Variants in ATP8A1 observed in about 807,000 individuals in gnomAD.
ATP8A1 encodes ATPase phospholipid transporting 8A1.
In ATP8A1, 90 loss-of-function variants were observed where a neutral mutation model predicts 177.7. The ratio of observed to expected loss-of-function variants is 0.51; its 90% CI spans 0.43 to 0.60. The LOEUF is 0.60. Among genes scored for constraint, ATP8A1 ranks in the 20% least tolerant of loss-of-function variants. ATP8A1 has a pLI of 0.00. For missense variants in ATP8A1, 1,072 were observed against 1,392.8 expected (o/e 0.77, Z 3.67); for synonymous variants, 493 against 485.9 (o/e 1.01, Z -0.19).
intron 33 of ATP8A1, among the ~76,000 whole-genome samples, chr4:42,430,769 AG>A (rs1189517491): frequency 6.6e-6 from 1 of 152,168 alleles, no homozygotes; most frequent in Non-Finnish European, 1.5e-5. Context: ...TAGGAATAAT[AG>A]TGCTTTTACT....
rs368513060 is a variant in ATP8A1 at position 42,507,226 on chromosome 4, G to A, written c.1948-72C>T. 243 of 1,459,656 alleles carry A rather than the reference G, an allele frequency of 1.7e-4. 1 individual carries two copies. In the South Asian group the frequency reaches 2.0e-3, roughly 12 times the overall value. 90.4% of individuals were successfully genotyped at this position (1,459,656 alleles called of 1,614,324 possible). ...CTTTAAAAACAAAAAATTGAAGTGT[G>A]TATATGTTTTAAAATCAGAGACTAA... On this transcript the variant is annotated intron_variant, in intron 22 of 36. Coordinates refer to ENST00000381668, the MANE Select transcript of ATP8A1 (RefSeq NM_006095.2).
intron 35 of ATP8A1, 70 bp downstream of exon 35, chr4:42,422,737 A>T: frequency 1.6e-6 from 2 of 1,253,990 alleles, no homozygotes; most frequent in Non-Finnish European, 2.3e-6. Flanking sequence ...CTTATCACTT[A>T]TTTCCAACCA....
Position 42,451,652 on chromosome 4 carries a change from G to T in ATP8A1, c.2896+329C>A, listed in dbSNP as rs543718944. Among the ~76,000 whole-genome samples the T allele has an allele frequency of 2.6e-4, 40 of 152,184 alleles. No individual in the cohort carries two copies. The East Asian group carries it at 7.5e-3, about 29-fold the overall frequency. On this transcript the variant is annotated intron_variant, in intron 30 of 36. Transcript: ENST00000381668. ...AAAGGGCTTGATACAAGCCTCATAG[G>T]TATAATAAATAGGCTACATAAAATA...
chr4:42,564,515 T>C (rs1047850823), intron 15 of ATP8A1, among the ~76,000 whole-genome samples: 12 of 152,334 alleles, frequency 7.9e-5, no homozygotes, highest in Admixed American at 2.0e-4. Flanking sequence ...GGGGATCATT[T>C]TGGACCTTTA....
chr4:42,635,848 G>A (rs1406665792), intron 1 of ATP8A1, among the ~76,000 whole-genome samples: 2 of 129,788 alleles, frequency 1.5e-5, no homozygotes, highest in Non-Finnish European at 3.3e-5. Flanking sequence ...TTAAGCAGGT[G>A]CAGCAGCTCC....
intron 9 of ATP8A1, among the ~76,000 whole-genome samples, chr4:42,585,900 C>T (rs1733566240): frequency 6.6e-6 from 1 of 152,064 alleles, no homozygotes; most frequent in African/African-American, 2.4e-5. Context: ...ATGGAGGAGA[C>T]AATAAATTAT....
intron 24 of ATP8A1, among the ~76,000 whole-genome samples, chr4:42,493,641 C>G (rs772232722): frequency 2.6e-5 from 4 of 152,140 alleles, no homozygotes; most frequent in Non-Finnish European, 5.9e-5. Flanking sequence ...AGAAGGCCAA[C>G]TGTGTGGTAT....
intron 1 of ATP8A1, chr4:42,637,208 T>C (rs1474860593): frequency 3.9e-6 from 2 of 518,990 alleles, no homozygotes; most frequent in East Asian, 1.1e-4. Flanking sequence ...GCAATTTTCC[T>C]GCTTAAGAAT....
intron 5 of ATP8A1, among the ~76,000 whole-genome samples, chr4:42,607,504 A>G (rs79919592): frequency 0.011 from 1,671 of 152,314 alleles, 27 homozygotes; most frequent in African/African-American, 0.037. Context: ...AGGTATTTTT[A>G]AATCATCAAC....
intron 1 of ATP8A1, among the ~76,000 whole-genome samples, chr4:42,634,490 T>C (rs576907842): frequency 1.9e-4 from 29 of 152,278 alleles, no homozygotes; most frequent in African/African-American, 6.7e-4. Context: ...CCCTAATCCT[T>C]AGATACCATG....
At chr4:42,574,737 T>C in intron 13 of ATP8A1, 30 bp from the exon 14 acceptor site, 1 of 1,502,454 alleles carries the variant, frequency 6.7e-7, no homozygotes, top group Non-Finnish European at 9.1e-7. Flanking sequence ...CTCATTAATA[T>C]TTTGAAAGTC....
chr4:42,477,142 A>C (rs773679494), intron 25 of ATP8A1, among the ~76,000 whole-genome samples: 2 of 152,220 alleles, frequency 1.3e-5, no homozygotes, highest in Non-Finnish European at 2.9e-5. Flanking sequence ...TATTAAGGTT[A>C]CTGGCACACA....
At chr4:42,415,542 T>C (rs866072806) in intron 35 of ATP8A1, among the ~76,000 whole-genome samples, 4 of 152,230 alleles carry the variant, frequency 2.6e-5, no homozygotes, top group Non-Finnish European at 5.9e-5. Context: ...AATGTACTTA[T>C]AGACATCATC....
rs184164632 is a variant in ATP8A1 at position 42,576,470 on chromosome 4, C to T, written c.1129-771G>A. On this transcript the variant is annotated intron_variant, in intron 12 of 36. Coordinates refer to ENST00000381668, the MANE Select transcript of ATP8A1 (RefSeq NM_006095.2). ...CAGCCTGGGCGACAGAGCAAGACGC[C>T]GTCTCAAAAAAAAAAAAAAAAAAAA... Among the ~76,000 whole-genome samples, 281 of 52,800 alleles carry T rather than the reference C, an allele frequency of 5.3e-3. 2 individuals carry two copies. In the East Asian group the frequency reaches 0.073, roughly 14 times the overall value. 34.6% of individuals were successfully genotyped at this position (52,800 alleles called of 152,430 possible).
rs139954245 is a variant in ATP8A1 at position 42,417,311 on chromosome 4, G to C, written c.3306-2593C>G. Among the ~76,000 whole-genome samples the C allele has an allele frequency of 3.4e-3, 494 of 145,724 alleles. 1 individual carries two copies. The highest frequency in any genetic ancestry group is 8.9e-3 in the Admixed American group (126 of 14,158). On this transcript the variant is annotated intron_variant, in intron 35 of 36. Transcript: ENST00000381668. ...GATATATTAAAAGTTCAGTTTTAGTGGAACAGCTTAACAGTGTGAAAAGAC... is the reference window on the plus strand; with the variant it reads ...GATATATTAAAAGTTCAGTTTTAGTCGAACAGCTTAACAGTGTGAAAAGAC...
intron 2 of ATP8A1, chr4:42,626,118 T>G (rs1001429151): frequency 4.6e-5 from 7 of 153,072 alleles, no homozygotes; most frequent in African/African-American, 1.7e-4. Flanking sequence ...CCAGACACTG[T>G]AAACAGAGAT....
At chr4:42,425,364 A>G (rs922005326) in intron 33 of ATP8A1, among the ~76,000 whole-genome samples, 2 of 152,188 alleles carry the variant, frequency 1.3e-5, no homozygotes, top group African/African-American at 4.8e-5. Flanking sequence ...TGGAGGAGTG[A>G]CTGGCGCCCC....
At chr4:42,441,415 T>C (rs1242547353) in intron 33 of ATP8A1, among the ~76,000 whole-genome samples, 1 of 152,134 alleles carries the variant, frequency 6.6e-6, no homozygotes, top group Non-Finnish European at 1.5e-5. Flanking sequence ...TAGAAAAATA[T>C]AGACCTAAGA....
intron 22 of ATP8A1, among the ~76,000 whole-genome samples, chr4:42,511,550 T>C (rs948788666): frequency 6.6e-6 from 1 of 152,200 alleles, no homozygotes; most frequent in Non-Finnish European, 1.5e-5. Flanking sequence ...GAAAAAATCA[T>C]AAAATAATGT....
Sources: gnomAD v4.1 joint callset for allele counts (sites outside exome capture counted in the v4.1 genomes callset) on GRCh38, gnomAD v4.1.1 for gene constraint, MANE v1.5 for transcripts, NCBI Gene and HGNC (gene_info 2026-07-23, HGNC 2026-07-21) for gene names.